Variants in EFNA5 observed in about 807,000 individuals in gnomAD.
EFNA5 encodes the protein ephrin-A5.
A neutral mutation model predicts 22.9 loss-of-function variants in EFNA5; 5 were observed. That is an observed-to-expected ratio of 0.22 (90% CI 0.11 to 0.46). EFNA5 has a LOEUF of 0.46. EFNA5 is among the 20% of genes least tolerant of loss of function. EFNA5 has a pLI of 0.99. For missense variants in EFNA5, 237 were observed against 293.3 expected, an observed-to-expected ratio of 0.81 and a Z score of 1.40; for synonymous variants, 113 against 112.2, an observed-to-expected ratio of 1.01 and a Z score of -0.04.
chr5:107,572,023 C>T (rs112845837), intron 1 of EFNA5, among the ~76,000 whole-genome samples: 2,512 of 152,186 alleles, frequency 0.017, 41 homozygotes, highest in Non-Finnish European at 0.027. Flanking sequence ...CAAACAGCAG[C>T]GTGGACAGAC....
intron 1 of EFNA5, among the ~76,000 whole-genome samples, chr5:107,623,058 A>AAT (rs1750072180): frequency 7.0e-6 from 1 of 143,660 alleles, no homozygotes; most frequent in South Asian, 2.2e-4. Flanking sequence ...AAAAAAAAAA[A>AAT]GTTGAATACT....
chr5:107,569,576 TATATATA>T (rs1748749220), intron 1 of EFNA5, among the ~76,000 whole-genome samples: 1 of 25,278 alleles, frequency 4.0e-5, no homozygotes, highest in Non-Finnish European at 1.2e-4. Flanking sequence ...TATATATATA[TATATATA>T]TATATATATA....
intron 1 of EFNA5, among the ~76,000 whole-genome samples, chr5:107,527,275 C>A (rs930584270): frequency 6.8e-6 from 1 of 147,414 alleles, no homozygotes; most frequent in Admixed American, 6.8e-5. Context: ...TTAAAACAAC[C>A]TTTTTTTCTT....
At chr5:107,405,954 T>A (rs1255575999) in intron 2 of EFNA5, among the ~76,000 whole-genome samples, 6 of 137,286 alleles carry the variant, frequency 4.4e-5, no homozygotes, top group East Asian at 4.0e-4. Context: ...TTCTATGTAT[T>A]TATATACATA....
rs938480402 is a variant in EFNA5 at position 107,377,668 on chromosome 5, T to G, written c.*3587A>C. ...GGGAAACAGCCCCATTTAAGCTTCC[T>G]ACACTGATTGGTTTGCAACCATTTC... On this transcript the variant is annotated 3_prime_UTR_variant, in exon 5 of 5. Coordinates refer to ENST00000333274, the MANE Select transcript of EFNA5 (RefSeq NM_001962.3). 6.6e-6 allele frequency: 1 copy of G among 152,194 alleles called. No homozygotes were observed. Among genetic ancestry groups the G allele is most frequent in the African/African-American group, 2.4e-5 (1 of 41,442 alleles). 9.4% of individuals were successfully genotyped at this position (152,194 alleles called of 1,614,324 possible). A position where few individuals can be genotyped will look rare whatever the true frequency, so the allele number is the denominator to read the frequency against.
At chr5:107,598,201 A>C (rs971498337) in intron 1 of EFNA5, among the ~76,000 whole-genome samples, 3 of 152,256 alleles carry the variant, frequency 2.0e-5, no homozygotes, top group East Asian at 3.9e-4. Flanking sequence ...TCTCTCAGTA[A>C]CAAAGAGGAA....
intron 1 of EFNA5, among the ~76,000 whole-genome samples, chr5:107,442,929 TAAA>T (rs544741414): frequency 0.3 from 24,849 of 81,802 alleles, 2,282 homozygotes; most frequent in East Asian, 0.53. Context: ...CCCCAGGTAC[TAAA>T]AAAAAAAAAA....
At chr5:107,647,882 A>G (rs1750659076) in intron 1 of EFNA5, among the ~76,000 whole-genome samples, 1 of 152,208 alleles carries the variant, frequency 6.6e-6, no homozygotes, top group Non-Finnish European at 1.5e-5. Context: ...GAAACTGCAG[A>G]GAAAACAGAC....
chr5:107,570,962 A>G (rs1580536174), intron 1 of EFNA5, among the ~76,000 whole-genome samples: 1 of 152,328 alleles, frequency 6.6e-6, no homozygotes, highest in East Asian at 1.9e-4. Flanking sequence ...AAAGCCATCT[A>G]AGATTTGAGC....
intron 1 of EFNA5, among the ~76,000 whole-genome samples, chr5:107,528,970 A>T (rs1447882319): frequency 6.6e-6 from 1 of 152,118 alleles, no homozygotes; most frequent in African/African-American, 2.4e-5. Context: ...CTTTCATGAA[A>T]CTTTTGTTTC....
At chr5:107,572,281 A>G (rs1486667015) in intron 1 of EFNA5, among the ~76,000 whole-genome samples, 1 of 152,114 alleles carries the variant, frequency 6.6e-6, no homozygotes, top group Non-Finnish European at 1.5e-5. Flanking sequence ...GGAAGGAGAA[A>G]GGAGCTCTGG....
intron 1 of EFNA5, among the ~76,000 whole-genome samples, chr5:107,578,229 T>A (rs1182926829): frequency 1.3e-5 from 2 of 152,270 alleles, no homozygotes; most frequent in East Asian, 3.9e-4. Context: ...GTCTGCAATC[T>A]AAGCAAAGCA....
intron 1 of EFNA5, among the ~76,000 whole-genome samples, chr5:107,509,287 C>A (rs1459245200): frequency 6.6e-6 from 1 of 151,618 alleles, no homozygotes; most frequent in Admixed American, 6.6e-5. Context: ...CACAAAAGAG[C>A]AAAAGTGAGT....
chr5:107,492,200 A>T (rs1332588759), intron 1 of EFNA5, among the ~76,000 whole-genome samples: 3 of 152,106 alleles, frequency 2.0e-5, no homozygotes, highest in Non-Finnish European at 2.9e-5. Context: ...AACCATGTTT[A>T]AAAAAAATTA....
intron 1 of EFNA5, among the ~76,000 whole-genome samples, chr5:107,637,007 T>C (rs1486503993): frequency 6.6e-6 from 1 of 152,244 alleles, no homozygotes; most frequent in African/African-American, 2.4e-5. Flanking sequence ...TTCTAAAATG[T>C]GCCTGCTTTT....
At chr5:107,546,728 A>C (rs988369153) in intron 1 of EFNA5, among the ~76,000 whole-genome samples, 2 of 152,024 alleles carry the variant, frequency 1.3e-5, no homozygotes, top group African/African-American at 4.8e-5. Context: ...TTTTAAATAA[A>C]ATACTGTGGC....
Position 107,380,696 on chromosome 5 carries a change from C to T in EFNA5, c.*559G>A, listed in dbSNP as rs879513485. On this transcript the variant is annotated 3_prime_UTR_variant, in exon 5 of 5. Transcript: ENST00000333274. Reference sequence around the variant, plus strand: ...AACCTTTTAGAAGCCTGTTCATTTACATACTCCTATAGGAAATGGTGTAAT... The same window carrying T: ...AACCTTTTAGAAGCCTGTTCATTTATATACTCCTATAGGAAATGGTGTAAT... 288 of 396,116 alleles carry T rather than the reference C, an allele frequency of 7.3e-4. 2 individuals carry two copies. Among genetic ancestry groups the T allele is most frequent in the Middle Eastern group, 2.5e-3 (4 of 1,576 alleles). The allele number at this position is 396,116 out of a possible 1,614,324, so 24.5% of individuals were successfully genotyped here. A position where few individuals can be genotyped will look rare whatever the true frequency, so the allele number is the denominator to read the frequency against.
chr5:107,604,454 G>A (rs1432412631), intron 1 of EFNA5, among the ~76,000 whole-genome samples: 1 of 152,094 alleles, frequency 6.6e-6, no homozygotes, highest in Non-Finnish European at 1.5e-5. Flanking sequence ...ATAAACATGA[G>A]CTGGAAGAGA....
intron 1 of EFNA5, among the ~76,000 whole-genome samples, chr5:107,584,725 G>A (rs1749140283): frequency 6.6e-6 from 1 of 152,164 alleles, no homozygotes; most frequent in African/African-American, 2.4e-5. Context: ...GCTCCTGCTT[G>A]CTAGCCATGG....
Sources: allele counts gnomAD v4.1 joint callset (sites outside exome capture counted in the v4.1 genomes callset), GRCh38; gene constraint gnomAD v4.1.1; transcripts MANE v1.5; gene names NCBI Gene and HGNC (gene_info 2026-07-23, HGNC 2026-07-21).